Variants in SCN2A observed in about 807,000 individuals in gnomAD.
SCN2A encodes sodium voltage-gated channel alpha subunit 2.
In SCN2A, 20 loss-of-function variants were observed where a neutral mutation model predicts 188.7. That is an observed-to-expected ratio of 0.11 (90% CI 0.07 to 0.15). The LOEUF (loss-of-function observed/expected upper bound fraction) is 0.15, where lower values mean the gene tolerates loss of function less well. SCN2A is among the 10% of genes least tolerant of loss of function. SCN2A has a pLI of 1.00. For synonymous variants in SCN2A, 804 were observed against 833.1 expected (o/e 0.97, Z 0.60); for missense variants, 1,278 against 2,445.0 (o/e 0.52, Z 10.07).
chr2:165,283,026 T>C lies in SCN2A; in HGVS notation c.-51-12747T>C, dbSNP rs534736436. Among the ~76,000 whole-genome samples, 222 of 152,254 alleles carry C rather than the reference T, an allele frequency of 1.5e-3. 1 individual carries two copies. Among genetic ancestry groups the C allele is most frequent in the African/African-American group, 5.1e-3 (212 of 41,548 alleles). On this transcript the variant is annotated intron_variant, in intron 1 of 26. Transcript: ENST00000375437. ...TGTATCTGTTCATGAAACACATTGA[T>C]GGTAATGAAGATGCAGTGGCAGAAG... is the stretch of plus-strand genomic sequence containing the variant.
chr2:165,254,915 A>G (rs1401045173), intron 1 of SCN2A, among the ~76,000 whole-genome samples: 2 of 151,748 alleles, frequency 1.3e-5, no homozygotes, highest in Non-Finnish European at 1.5e-5. Flanking sequence ...TTGTGTTGAG[A>G]TATGTTTTCT....
At chr2:165,352,168 A>G (rs532830739) in intron 16 of SCN2A, among the ~76,000 whole-genome samples, 5 of 152,042 alleles carry the variant, frequency 3.3e-5, no homozygotes, top group Non-Finnish European at 7.4e-5. Flanking sequence ...TTTACATGCA[A>G]TTTTTTCTTC....
chr2:165,300,445 G>C (rs1228312718), intron 3 of SCN2A, among the ~76,000 whole-genome samples: 2 of 152,120 alleles, frequency 1.3e-5, no homozygotes, highest in East Asian at 3.9e-4. Flanking sequence ...GTGTTACTAA[G>C]AAATATAAAT....
At chr2:165,265,464 T>C (rs1694798091) in intron 1 of SCN2A, among the ~76,000 whole-genome samples, 1 of 119,030 alleles carries the variant, frequency 8.4e-6, no homozygotes, top group Non-Finnish European at 1.7e-5. Context: ...GTGTTTACTC[T>C]GTTGATCTAT....
At chr2:165,375,192 T>TA (rs1412376692) in intron 22 of SCN2A, among the ~76,000 whole-genome samples, 1 of 151,932 alleles carries the variant, frequency 6.6e-6, no homozygotes, top group Admixed American at 6.6e-5. Context: ...CTCAAAAAAC[T>TA]AAAAATAGAA....
At position 165,328,895 on chromosome 2, in the gene SCN2A, A is replaced by G. The variant is rs116828501; in HGVS notation, c.2149+1911A>G. ...ATGAAAACTGACTTTTCTTTATTCA[A>G]TTGTATGTAGACACATTGAGTGTGA... On this transcript the variant is annotated intron_variant, in intron 13 of 26. Transcript: ENST00000375437. Among the ~76,000 whole-genome samples, 880 of 151,848 alleles carry G rather than the reference A, an allele frequency of 5.8e-3. 9 individuals carry two copies. The highest frequency in any genetic ancestry group is 0.019 in the African/African-American group (769 of 41,382).
chr2:165,366,425 C>T (rs757024503), intron 18 of SCN2A, among the ~76,000 whole-genome samples: 1 of 152,008 alleles, frequency 6.6e-6, no homozygotes, highest in Non-Finnish European at 1.5e-5. Context: ...TTAAAGCAAA[C>T]GAAGTATTCA....
chr2:165,291,538 TTCC>T (rs1696188058), intron 1 of SCN2A, among the ~76,000 whole-genome samples: 2 of 65,280 alleles, frequency 3.1e-5, no homozygotes, highest in African/African-American at 8.8e-5. Flanking sequence ...CCTTCCTTCC[TTCC>T]TTCCTTCCTT....
chr2:165,294,010 T>TAAAAAAAA (rs67417831), intron 1 of SCN2A: 67 of 151,006 alleles, frequency 4.4e-4, no homozygotes, highest in South Asian at 6.6e-4. Context: ...GAAGGAGAAT[T>TAAAAAAAA]AAAAAAAAAA....
chr2:165,339,258 C>G (rs901116834), intron 14 of SCN2A, among the ~76,000 whole-genome samples: 10 of 151,346 alleles, frequency 6.6e-5, no homozygotes, highest in African/African-American at 2.4e-4. Flanking sequence ...GAAAGAAAAC[C>G]CTACACCTAA....
chr2:165,355,998 C>CA (rs202024678), intron 17 of SCN2A, among the ~76,000 whole-genome samples: 29,678 of 116,434 alleles, frequency 0.25, 3,622 homozygotes, highest in East Asian at 0.39. Flanking sequence ...AACTCTGTCT[C>CA]AAAAAAAAAA....
chr2:165,267,656 C>T (rs1694930100), intron 1 of SCN2A: 1 of 151,734 alleles, frequency 6.6e-6, no homozygotes, highest in African/African-American at 2.4e-5. Flanking sequence ...GAAAAGACAA[C>T]CTACAGAATG....
chr2:165,283,556 T>G (rs1240912388), intron 1 of SCN2A, among the ~76,000 whole-genome samples: 1 of 152,196 alleles, frequency 6.6e-6, no homozygotes, highest in Non-Finnish European at 1.5e-5. Context: ...CTGGCAGAGG[T>G]TAAGCTAGTC....
intron 1 of SCN2A, among the ~76,000 whole-genome samples, chr2:165,279,343 G>A (rs1031346889): frequency 2.6e-5 from 4 of 152,122 alleles, no homozygotes; most frequent in African/African-American, 4.8e-5. Context: ...TCAAATGGAA[G>A]AAACTGAGCA....
intron 1 of SCN2A, among the ~76,000 whole-genome samples, chr2:165,240,427 G>C (rs1203254123): frequency 6.6e-6 from 1 of 152,144 alleles, no homozygotes; most frequent in Non-Finnish European, 1.5e-5. Flanking sequence ...GAATGACTCA[G>C]GAGGTGGAAG....
chr2:165,251,129 C>T (rs1390687202), intron 1 of SCN2A, among the ~76,000 whole-genome samples: 3 of 151,980 alleles, frequency 2.0e-5, no homozygotes, highest in African/African-American at 4.8e-5. Context: ...GTTTCAGAAC[C>T]TAGTGTCCTT....
chr2:165,244,158 C>A (rs1002315716), intron 1 of SCN2A, among the ~76,000 whole-genome samples: 4 of 152,166 alleles, frequency 2.6e-5, no homozygotes, highest in South Asian at 4.2e-4. Flanking sequence ...AGGAGAATCA[C>A]TTAAACCCAG....
Position 165,370,106 on chromosome 2 carries a change from T to G in SCN2A, c.3676-20T>G. The G allele has an allele frequency of 1.2e-6, 2 of 1,606,926 alleles. No homozygotes were observed. The highest frequency in any genetic ancestry group is 1.7e-6 in the Non-Finnish European group (2 of 1,173,738). On this transcript the variant is annotated intron_variant, in intron 19 of 26. Coordinates refer to ENST00000375437, the MANE Select transcript of SCN2A (RefSeq NM_001040142.2). The stretch of plus-strand genomic sequence containing the variant: ...GACTGTTTCTGATCATAAAATTTAA[T>G]AGAATTTTTTGACTTACAGGCCTTT...
Position 165,313,713 on chromosome 2 carries a change from C to T in SCN2A, c.1128C>T (p.Ser376=). Residue 376 remains serine (S), a synonymous_variant, in exon 9 of 27, where the codon TCC becomes TCT. Coordinates refer to ENST00000375437, the MANE Select transcript of SCN2A (RefSeq NM_001040142.2). ...SFDTFSWAFL[S]LFRLMTQDFW... ...ACACCTTTAGTTGGGCCTTTTTGTC[C>T]TTATTTCGTCTCATGACTCAAGACT... is the stretch of plus-strand genomic sequence containing the variant. 6.2e-7 allele frequency: 1 copy of T among 1,613,590 alleles called. No individual in the cohort carries two copies. The highest frequency in any genetic ancestry group is 8.5e-7 in the Non-Finnish European group (1 of 1,179,654).
Sources: gnomAD v4.1 joint callset for allele counts (sites outside exome capture counted in the v4.1 genomes callset) on GRCh38, gnomAD v4.1.1 for gene constraint, MANE v1.5 for transcripts, NCBI Gene and HGNC (gene_info 2026-07-23, HGNC 2026-07-21) for gene names.